NOD1: variants seen among roughly 807,000 people sequenced by gnomAD.
NOD1 encodes the protein nucleotide binding oligomerization domain containing 1, also known as nucleotide-binding oligomerization domain-containing protein 1.
A neutral mutation model predicts 81.2 loss-of-function variants in NOD1; 70 were observed. The observed-to-expected ratio is 0.86, with a 90% CI of 0.71 to 1.05. NOD1 has a LOEUF of 1.05. Among genes scored for constraint, NOD1 ranks in the 50% least tolerant of loss-of-function variants. The pLI is 0.00. For missense variants in NOD1, 1,233 were observed against 1,228.0 expected (o/e 1.00, Z -0.06); for synonymous variants, 508 against 526.9 (o/e 0.96, Z 0.49).
chr7:30,460,433 C>T, intron 1 of NOD1: 1 of 985,356 alleles, frequency 1.0e-6, no homozygotes, highest in South Asian at 4.7e-5. Context: ...GGGCTGGGGC[C>T]AGGTATCTGG....
Position 30,451,207 on chromosome 7 carries a change from C to T in NOD1, c.2201+9G>A. On this transcript the variant is annotated intron_variant, in intron 6 of 13. Coordinates refer to ENST00000222823, the MANE Select transcript of NOD1 (RefSeq NM_006092.4). This position sits in a 1 kb window ranked among gnomAD's most constrained non-coding sequence, Gnocchi z 4.2. ...CCCACCTGTTGCTCCCCTTGCCTGG[C>T]AGCCTCACCTGAGAACAGTGAGGCG... 1 of 1,607,142 alleles carries T rather than the reference C, an allele frequency of 6.2e-7. No individual in the cohort carries two copies. Among genetic ancestry groups the T allele is most frequent in the Non-Finnish European group, 8.5e-7 (1 of 1,175,226 alleles).
At chr7:30,428,527 TTGTTC>T (rs1457704322) in intron 13 of NOD1, 1 of 152,204 alleles carries the variant, frequency 6.6e-6, no homozygotes, top group Non-Finnish European at 1.5e-5. Flanking sequence ...TCCTGATATT[TTGTTC>T]TGTTCTGTTT....
chr7:30,472,394 A>C (rs1363834801), intron 1 of NOD1, among the ~76,000 whole-genome samples: 3 of 152,220 alleles, frequency 2.0e-5, no homozygotes, highest in Non-Finnish European at 4.4e-5. Flanking sequence ...CTAGTTGAAA[A>C]GGCTCATTCC....
intron 1 of NOD1, among the ~76,000 whole-genome samples, chr7:30,477,681 ATTTTT>A (rs35530986): frequency 4.4e-5 from 6 of 136,268 alleles, no homozygotes; most frequent in African/African-American, 1.1e-4. Context: ...CGCCCGGTTA[ATTTTT>A]TTTTTTTTTT....
intron 1 of NOD1, among the ~76,000 whole-genome samples, chr7:30,461,018 C>CTA (rs1331130337): frequency 6.6e-6 from 1 of 152,170 alleles, no homozygotes; most frequent in Non-Finnish European, 1.5e-5. Context: ...TAGAGCAGCT[C>CTA]TGTTGAATTG....
Position 30,425,507 on chromosome 7 carries a change from A to T in NOD1, c.*131T>A. On this transcript the variant is annotated 3_prime_UTR_variant, in exon 14 of 14. Transcript: ENST00000222823. Reference sequence around the variant, plus strand: ...TCTGCACAGGAAGCTGGCTTGCATCATGGAGGCAGTGGACTCCTGATAGTC... The same window carrying T: ...TCTGCACAGGAAGCTGGCTTGCATCTTGGAGGCAGTGGACTCCTGATAGTC... 1.4e-6 allele frequency: 1 copy of T among 705,106 alleles called. No individual in the cohort carries two copies. The highest frequency in any genetic ancestry group is 1.6e-5 in the South Asian group (1 of 61,170). The allele number at this position is 705,106 out of a possible 1,614,324, so 43.7% of individuals were successfully genotyped here. A position where few individuals can be genotyped will look rare whatever the true frequency, so the allele number is the denominator to read the frequency against.
chr7:30,448,410 G>A (rs139288894), intron 6 of NOD1, 29 bp from the exon 7 acceptor site: 5 of 1,555,554 alleles, frequency 3.2e-6, no homozygotes, highest in African/African-American at 2.7e-5. Context: ...AAAATTACGA[G>A]TCAGGGCAGG....
intron 11 of NOD1, among the ~76,000 whole-genome samples, chr7:30,435,480 C>G (rs1246714628): frequency 6.6e-6 from 1 of 152,142 alleles, no homozygotes; most frequent in Non-Finnish European, 1.5e-5. Flanking sequence ...CAGATCCAGG[C>G]TCCCGGAGCC....
chr7:30,476,113 C>A (rs919116370), intron 1 of NOD1: 3 of 152,040 alleles, frequency 2.0e-5, no homozygotes, highest in Non-Finnish European at 4.4e-5. Flanking sequence ...AAAAAAATCC[C>A]CCCAATAATA....
intron 13 of NOD1, among the ~76,000 whole-genome samples, chr7:30,426,496 C>T (rs1783466879): frequency 6.6e-6 from 1 of 151,994 alleles, no homozygotes; most frequent in African/African-American, 2.4e-5. Context: ...TTCCCTGCAT[C>T]AGTACAATGT....
chr7:30,451,419 C>G lies in NOD1; in HGVS notation c.1998G>C (p.Lys666Asn). The G allele has an allele frequency of 6.2e-7, 1 of 1,613,976 alleles. No individual in the cohort carries two copies. The highest frequency in any genetic ancestry group is 8.5e-7 in the Non-Finnish European group (1 of 1,180,036). Reference protein sequence around the residue: ...LRCIYETQSQKVGQLAARGIC... With the variant: ...LRCIYETQSQNVGQLAARGIC... ...TGCCCCTGGCCGCCAGCTGCCCCAC[C>G]TTCTGGCTCTGTGTCTCGTAGATGC... Residue 666 changes from lysine (K) to asparagine (N), a missense_variant, in exon 6 of 14, where the codon AAG (lysine) becomes AAC (asparagine). By Grantham distance (94) the Lys-to-Asn change is moderately conservative. Coordinates refer to ENST00000222823, the MANE Select transcript of NOD1 (RefSeq NM_006092.4). This position sits in a 1 kb window ranked among gnomAD's most constrained non-coding sequence, Gnocchi z 4.2.
intron 12 of NOD1, 92 bp downstream of exon 12, chr7:30,433,004 T>G (rs1386183724): frequency 1.0e-6 from 1 of 974,482 alleles, no homozygotes; most frequent in South Asian, 1.4e-5. Flanking sequence ...TTGTATACTT[T>G]AAGAGAGTGA....
intron 9 of NOD1, among the ~76,000 whole-genome samples, 186 bp downstream of exon 9, chr7:30,445,955 A>T (rs1785022045): frequency 1.3e-5 from 2 of 151,498 alleles, no homozygotes; most frequent in Admixed American, 1.3e-4. Flanking sequence ...GGGGAGGGGG[A>T]CCGGGGAGTT....
chr7:30,425,759 C>G (rs765164255), intron 13 of NOD1, 49 bp from the exon 14 acceptor site: 1 of 1,250,412 alleles, frequency 8.0e-7, no homozygotes, highest in African/African-American at 1.5e-5. Context: ...TGTTAAGGAT[C>G]CTCGCACACT....
intron 1 of NOD1, among the ~76,000 whole-genome samples, chr7:30,461,989 C>G (rs554773407): frequency 7.2e-4 from 110 of 152,282 alleles, no homozygotes; most frequent in African/African-American, 2.6e-3. Flanking sequence ...CCACCCACCT[C>G]GGCCTCCCAA....
intron 1 of NOD1, among the ~76,000 whole-genome samples, chr7:30,464,889 A>AGTGCC (rs1787522107): frequency 1.3e-5 from 2 of 152,206 alleles, no homozygotes; most frequent in African/African-American, 4.8e-5. Flanking sequence ...GTAATGAGCG[A>AGTGCC]ATCATTTACT....
At chr7:30,446,604 G>A (rs1481664093) in intron 8 of NOD1, 7 of 386,780 alleles carry the variant, frequency 1.8e-5, no homozygotes, top group East Asian at 1.0e-4. Context: ...CAAGCCTGGC[G>A]CACTGTCACC....
chr7:30,459,647 GGTTGGGGCCT>G (rs1160064004), intron 2 of NOD1, among the ~76,000 whole-genome samples: 1 of 152,204 alleles, frequency 6.6e-6, no homozygotes, highest in African/African-American at 2.4e-5. Flanking sequence ...AAGGCTCCAG[GGTTGGGGCCT>G]GTTTTCTCTC....
intron 6 of NOD1, among the ~76,000 whole-genome samples, chr7:30,450,705 C>T (rs780674883): frequency 6.6e-6 from 1 of 152,148 alleles, no homozygotes; most frequent in Non-Finnish European, 1.5e-5. Context: ...AGGGCTATCT[C>T]GGAGCCTTAC....
Sources: allele counts gnomAD v4.1 joint callset (sites outside exome capture counted in the v4.1 genomes callset), GRCh38; gene constraint gnomAD v4.1.1; non-coding constraint Gnocchi (gnomAD v3.1); transcripts MANE v1.5; gene names NCBI Gene and HGNC (gene_info 2026-07-23, HGNC 2026-07-21).